The following SCN8A variants were observed in gnomAD, a reference collection of about 807,000 sequenced individuals.
SCN8A encodes the protein sodium voltage-gated channel alpha subunit 8.
A neutral mutation model predicts 184.1 loss-of-function variants in SCN8A; 30 were observed. That is an observed-to-expected ratio of 0.16 (90% CI 0.12 to 0.22). SCN8A has a LOEUF of 0.22. SCN8A is among the 10% of genes least tolerant of loss of function. The pLI, the probability that SCN8A is intolerant of heterozygous loss-of-function variation, is 1.00. For synonymous variants in SCN8A, 852 were observed against 907.0 expected (o/e 0.94, Z 1.09); for missense variants, 1,057 against 2,498.9 (o/e 0.42, Z 12.30).
At position 51,627,307 on chromosome 12, in the gene SCN8A, GC is replaced by G. The variant is rs1400594585; in HGVS notation, c.-54-35455del. ...ACATGAAATGAGATAATAAATATCA[GC>G]CTTAAAGTGCAATACAATTGTAAAG... On this transcript the variant is annotated intron_variant, in intron 1 of 26. Transcript: ENST00000627620. 5.3e-5 allele frequency among the ~76,000 whole-genome samples: 8 copies of G among 152,286 alleles called. No homozygotes were observed. The East Asian group carries it at 1.3e-3, about 26-fold the overall frequency.
intron 24 of SCN8A, 112 bp from the exon 25 acceptor site, chr12:51,790,286 A>T (rs1040251254): frequency 1.5e-6 from 1 of 650,678 alleles, no homozygotes; most frequent in Non-Finnish European, 2.6e-6. Flanking sequence ...GCTATTAGCT[A>T]CAAAGGAAAG....
intron 12 of SCN8A, among the ~76,000 whole-genome samples, chr12:51,727,014 A>G (rs2138792486): frequency 6.6e-6 from 1 of 152,340 alleles, no homozygotes; most frequent in South Asian, 2.1e-4. Flanking sequence ...CCAGTTATGT[A>G]TTTCCATGTG....
chr12:51,615,610 CT>C (rs777505775), intron 1 of SCN8A, among the ~76,000 whole-genome samples: 1 of 89,148 alleles, frequency 1.1e-5, no homozygotes, highest in Non-Finnish European at 2.5e-5. Context: ...TACTGTCTCC[CT>C]TTTATGTTGT....
At chr12:51,758,669 C>T (rs973634566) in intron 14 of SCN8A, among the ~76,000 whole-genome samples, 2 of 152,164 alleles carry the variant, frequency 1.3e-5, no homozygotes, top group African/African-American at 4.8e-5. Context: ...AACTCCTGAC[C>T]TCAAGTGATC....
intron 1 of SCN8A, among the ~76,000 whole-genome samples, chr12:51,632,617 C>T (rs1186304225): frequency 6.6e-6 from 1 of 152,180 alleles, no homozygotes; most frequent in Non-Finnish European, 1.5e-5. Context: ...ACCTGAACCA[C>T]ACTGTAGTGG....
intron 12 of SCN8A, among the ~76,000 whole-genome samples, chr12:51,739,953 T>C (rs988794026): frequency 1.4e-4 from 22 of 152,228 alleles, no homozygotes; most frequent in African/African-American, 5.3e-4. Flanking sequence ...TCTATAGATA[T>C]TAAATTAACT....
intron 26 of SCN8A, among the ~76,000 whole-genome samples, chr12:51,794,959 A>T (rs982297276): frequency 2.1e-4 from 32 of 152,208 alleles, no homozygotes; most frequent in African/African-American, 7.7e-4. Context: ...AGTTGTCATT[A>T]AAAAATGTAG....
intron 15 of SCN8A, among the ~76,000 whole-genome samples, chr12:51,763,037 A>G (rs1014274386): frequency 6.6e-6 from 1 of 152,128 alleles, no homozygotes; most frequent in Non-Finnish European, 1.5e-5. Flanking sequence ...TAGTGAATCT[A>G]TTTTTTTAAA....
chr12:51,598,327 C>T (rs1193268339), intron 1 of SCN8A, among the ~76,000 whole-genome samples: 3 of 152,098 alleles, frequency 2.0e-5, no homozygotes, highest in East Asian at 1.9e-4. Flanking sequence ...GGTACACCTC[C>T]GTATTACTGA....
In SCN8A at chr12:51,807,714, C is replaced by T. The variant is rs1328286798; in HGVS notation, c.*285C>T. On this transcript the variant is annotated 3_prime_UTR_variant, in exon 27 of 27. Transcript: ENST00000627620. The surrounding 1 kb of genome is among the most constrained non-coding windows in gnomAD (Gnocchi z 4.5). ...AACTTAGGACAAAACTAACCAGATA[C>T]AGAAACAGAAGAGAGGCTGCCGGGA... The T allele has an allele frequency of 9.3e-6, 4 of 430,394 alleles. No homozygotes were observed. The highest frequency in any genetic ancestry group is 3.7e-5 in the South Asian group (1 of 26,758). 26.7% of individuals were successfully genotyped at this position (430,394 alleles called of 1,614,324 possible).
At chr12:51,751,677 G>A (rs532262818) in intron 14 of SCN8A, 84 bp downstream of exon 14, 1 of 1,030,888 alleles carries the variant, frequency 9.7e-7, no homozygotes, top group South Asian at 1.6e-5. Flanking sequence ...GAAAGCTGGA[G>A]TTTCTTTGAA....
At position 51,684,202 on chromosome 12, in the gene SCN8A, C is replaced by G. The variant is rs1414601527; in HGVS notation, c.305C>G (p.Thr102Ser). ...KTFVVLNRGK[T>S]LFRFSATPAL... ...TTTGTAGTATTAAACAGAGGGAAAACTCTCTTCAGATTTAGTGCCACGCCT... is the reference window on the plus strand; with the variant it reads ...TTTGTAGTATTAAACAGAGGGAAAAGTCTCTTCAGATTTAGTGCCACGCCT... The change falls in exon 3 of 27, where the codon ACT (threonine) becomes AGT (serine). Residue 102 changes from threonine (T) to serine (S), a missense_variant. This residue lies in a region of SCN8A where 66 missense variants were observed against 276.4 expected (regional missense o/e 0.24). Coordinates refer to ENST00000627620, the MANE Select transcript of SCN8A (RefSeq NM_001330260.2). 1 of 1,599,688 alleles carries G rather than the reference C, an allele frequency of 6.3e-7. No individual in the cohort carries two copies. Among genetic ancestry groups the G allele is most frequent in the Non-Finnish European group, 8.6e-7 (1 of 1,167,004 alleles).
chr12:51,700,771 C>A (rs978549129), intron 7 of SCN8A, among the ~76,000 whole-genome samples: 1 of 152,048 alleles, frequency 6.6e-6, no homozygotes, highest in South Asian at 2.1e-4. Context: ...TCTAAAATAT[C>A]TTTGATAAAG....
chr12:51,788,055 T>G lies in SCN8A; in HGVS notation c.4228-640T>G, dbSNP rs111345311. Among the ~76,000 whole-genome samples the G allele has an allele frequency of 4.8e-3, 724 of 152,212 alleles. 8 individuals are homozygous for G. The highest frequency in any genetic ancestry group is 0.015 in the African/African-American group (636 of 41,532). Reference sequence around the variant, plus strand: ...CCTGTGCCCTGAAAAAACCTTAGAATCTGGTTGAGTACATAAAACACGGTG... The same window carrying G: ...CCTGTGCCCTGAAAAAACCTTAGAAGCTGGTTGAGTACATAAAACACGGTG... On this transcript the variant is annotated intron_variant, in intron 22 of 26. Coordinates refer to ENST00000627620, the MANE Select transcript of SCN8A (RefSeq NM_001330260.2).
chr12:51,770,340 C>A (rs1416838474), intron 18 of SCN8A, 189 bp from the exon 19 acceptor site: 1 of 647,974 alleles, frequency 1.5e-6, no homozygotes, highest in Non-Finnish European at 2.6e-6. Context: ...GGCCTTGCCC[C>A]ATTAGCCTTT....
At chr12:51,796,433 C>T (rs974933710) in intron 26 of SCN8A, among the ~76,000 whole-genome samples, 1 of 152,116 alleles carries the variant, frequency 6.6e-6, no homozygotes, top group African/African-American at 2.4e-5. Flanking sequence ...CAAATCATAC[C>T]CCCTATTTTC....
rs138547584 is a variant in SCN8A, at chr12:51,713,237, T to A, written c.1635+6522T>A. The A allele has an allele frequency of 3.1e-3, 3,559 of 1,136,990 alleles. 3 individuals are homozygous for A. The highest frequency in any genetic ancestry group is 3.9e-3 in the Non-Finnish European group (2,976 of 756,886). 70.4% of individuals were successfully genotyped at this position (1,136,990 alleles called of 1,614,324 possible). Reference sequence around the variant, plus strand: ...CCACCAACAAAAATTTTCTTCACTGTTAGATGGGCACCAGGCTTCACAGAA... The same window carrying A: ...CCACCAACAAAAATTTTCTTCACTGATAGATGGGCACCAGGCTTCACAGAA... On this transcript the variant is annotated intron_variant, in intron 11 of 26. Coordinates refer to ENST00000627620, the MANE Select transcript of SCN8A (RefSeq NM_001330260.2).
intron 1 of SCN8A, among the ~76,000 whole-genome samples, chr12:51,602,546 A>G (rs1482450346): frequency 1.3e-5 from 2 of 152,214 alleles, no homozygotes; most frequent in Non-Finnish European, 2.9e-5. Context: ...GTTGTACCAC[A>G]ATGCATGTAC....
At chr12:51,754,771 G>T (rs1942648652) in intron 14 of SCN8A, among the ~76,000 whole-genome samples, 2 of 152,142 alleles carry the variant, frequency 1.3e-5, no homozygotes, top group African/African-American at 4.8e-5. Context: ...CCTCAATGTG[G>T]GCTTGTCTGA....
Sources: gnomAD v4.1 joint callset for allele counts (sites outside exome capture counted in the v4.1 genomes callset) on GRCh38, gnomAD v4.1.1 for gene constraint, gnomAD v4.1.1 regional missense constraint, Gnocchi (gnomAD v3.1) non-coding constraint, MANE v1.5 for transcripts, NCBI Gene and HGNC (gene_info 2026-07-23, HGNC 2026-07-21) for gene names.